AGO4: variants seen among roughly 807,000 people sequenced by gnomAD.
AGO4 encodes argonaute RISC component 4.
AGO4 carries 33 observed loss-of-function variants against 104.7 expected under a neutral mutation model. That is an observed-to-expected ratio of 0.32 (90% confidence interval 0.24 to 0.42). The LOEUF (loss-of-function observed/expected upper bound fraction) is 0.42, where lower values mean the gene tolerates loss of function less well. AGO4 is among the 10% of genes least tolerant of loss of function. The pLI, the probability that AGO4 is intolerant of heterozygous loss-of-function variation, is 1.00. For missense variants in AGO4, 711 were observed against 1,083.4 expected (o/e 0.66, Z 4.83); for synonymous variants, 331 against 364.7 (o/e 0.91, Z 1.05).
chr1:35,814,000 G>A (rs952342953), intron 1 of AGO4, among the ~76,000 whole-genome samples: 3 of 150,622 alleles, frequency 2.0e-5, no homozygotes, highest in South Asian at 2.1e-4. Flanking sequence ...TCTTGAACCC[G>A]GGAGGCGGAG....
chr1:35,844,163 T>C (rs1644512458), intron 15 of AGO4, among the ~76,000 whole-genome samples: 1 of 152,102 alleles, frequency 6.6e-6, no homozygotes, highest in Non-Finnish European at 1.5e-5. Context: ...TACCTGAGCC[T>C]CCCAAGTAGC....
intron 15 of AGO4, among the ~76,000 whole-genome samples, chr1:35,844,444 A>G (rs900870564): frequency 3.3e-5 from 5 of 152,092 alleles, no homozygotes; most frequent in Admixed American, 2.6e-4. Flanking sequence ...TATTCCCCAT[A>G]GCATCTGTTC....
In AGO4 at chr1:35,853,793, A is replaced by G. The variant is rs1644761817; in HGVS notation, c.*188A>G. 5 of 499,696 alleles carry G rather than the reference A, an allele frequency of 1.0e-5. No homozygotes were observed. The Admixed American group carries it at 1.1e-4, about 11-fold the overall frequency. The allele number at this position is 499,696 out of a possible 1,614,324, so 31.0% of individuals were successfully genotyped here. On this transcript the variant is annotated 3_prime_UTR_variant, in exon 18 of 18. Transcript: ENST00000373210. Reference sequence around the variant, plus strand: ...GTCAACAAAATTGAGCCATTTTTTTAAAGTAATAGATACTAATAGATTATC... The same window carrying G: ...GTCAACAAAATTGAGCCATTTTTTTGAAGTAATAGATACTAATAGATTATC...
rs1644761389 is a variant in AGO4, at chr1:35,853,773, C to CA, written c.*172dup. 5 of 511,832 alleles carry CA rather than the reference C, an allele frequency of 9.8e-6. No individual in the cohort carries two copies. In the East Asian group the frequency reaches 1.6e-4, roughly 17 times the overall value. 31.7% of individuals were successfully genotyped at this position (511,832 alleles called of 1,614,324 possible). A position where few individuals can be genotyped will look rare whatever the true frequency, so the allele number is the denominator to read the frequency against. On this transcript the variant is annotated 3_prime_UTR_variant, in exon 18 of 18. Transcript: ENST00000373210. ...TTTGCAGCACTGTCTGATGCGTCAA[C>CA]AAAATTGAGCCATTTTTTTAAAGTA... is the stretch of plus-strand genomic sequence containing the variant.
chr1:35,817,676 A>T (rs996366016), intron 2 of AGO4, among the ~76,000 whole-genome samples: 1 of 152,190 alleles, frequency 6.6e-6, no homozygotes, highest in Non-Finnish European at 1.5e-5. Context: ...CTCTGTTTCT[A>T]TGCAGTGACA....
In AGO4 at chr1:35,854,783, A is replaced by C. The variant is rs912479556; in HGVS notation, c.*1178A>C. 6.6e-6 allele frequency: 1 copy of C among 152,662 alleles called. No individual in the cohort carries two copies. 9.5% of individuals were successfully genotyped at this position (152,662 alleles called of 1,614,324 possible). A position where few individuals can be genotyped will look rare whatever the true frequency, so the allele number is the denominator to read the frequency against. On this transcript the variant is annotated 3_prime_UTR_variant, in exon 18 of 18. Coordinates refer to ENST00000373210, the MANE Select transcript of AGO4 (RefSeq NM_017629.4). The stretch of plus-strand genomic sequence containing the variant: ...ACAATGAGTGATGCTGCAACTTGCA[A>C]ATGTACCAGCATTTAAAATTTCTTT...
At chr1:35,811,612 G>A (rs1052213910) in intron 1 of AGO4, among the ~76,000 whole-genome samples, 21 of 151,770 alleles carry the variant, frequency 1.4e-4, no homozygotes, top group Admixed American at 4.6e-4. Flanking sequence ...TTTTGTTGTT[G>A]TTGTTTTTTG....
intron 17 of AGO4, among the ~76,000 whole-genome samples, chr1:35,852,386 C>A (rs1022554658): frequency 7.9e-5 from 12 of 152,276 alleles, no homozygotes; most frequent in African/African-American, 2.4e-4. Context: ...CCCTTTATAT[C>A]ACATGGTATC....
At chr1:35,820,517 CT>C (rs1643869418) in intron 2 of AGO4, among the ~76,000 whole-genome samples, 1 of 151,996 alleles carries the variant, frequency 6.6e-6, no homozygotes, top group Non-Finnish European at 1.5e-5. Flanking sequence ...ACCACCACAC[CT>C]GGCTAATTTT....
In AGO4 at chr1:35,808,494, C is replaced by T. The variant is rs1014487669; in HGVS notation, c.19+59C>T. The T allele has an allele frequency of 1.9e-5, 22 of 1,174,224 alleles. No individual in the cohort carries two copies. The highest frequency in any genetic ancestry group is 2.3e-5 in the Non-Finnish European group (22 of 948,800). 72.7% of individuals were successfully genotyped at this position (1,174,224 alleles called of 1,614,324 possible). A position where few individuals can be genotyped will look rare whatever the true frequency, so the allele number is the denominator to read the frequency against. On this transcript the variant is annotated intron_variant, in intron 1 of 17. Coordinates refer to ENST00000373210, the MANE Select transcript of AGO4 (RefSeq NM_017629.4). The surrounding 1 kb of genome is among the most constrained non-coding windows in gnomAD (Gnocchi z 5.2). The stretch of plus-strand genomic sequence containing the variant: ...GGACCCGGGACCCGGGGCGGGCGGC[C>T]GGGACTTTCGCTGCCCCGTCGCCTC...
At chr1:35,812,933 T>C (rs1310578975) in intron 1 of AGO4, among the ~76,000 whole-genome samples, 5 of 152,172 alleles carry the variant, frequency 3.3e-5, no homozygotes, top group African/African-American at 1.2e-4. Flanking sequence ...CTTAAGTGTA[T>C]CTTGAAATAT....
intron 1 of AGO4, among the ~76,000 whole-genome samples, chr1:35,816,570 G>A (rs1643703944): frequency 6.6e-6 from 1 of 152,114 alleles, no homozygotes; most frequent in Admixed American, 6.6e-5. Context: ...GGAGGCTGAG[G>A]CAGGTGGATC....
At chr1:35,834,372 T>G (rs764729489) in intron 12 of AGO4, among the ~76,000 whole-genome samples, 198 bp downstream of exon 12, 1 of 152,232 alleles carries the variant, frequency 6.6e-6, no homozygotes, top group Admixed American at 6.5e-5. Context: ...TCATCTCCAT[T>G]TGGGGACCCA....
In AGO4 at chr1:35,832,423, T is replaced by TC; in HGVS notation, c.1246-14_1246-13insC. ...TTCTTCTTCTTCTTCTTCTTCTTTT[T>TC]TTTTTTTTCAAAGAATAAAACAGTA... On this transcript the variant is annotated splice_polypyrimidine_tract_variant and intron_variant, in intron 10 of 17. Transcript: ENST00000373210. 1 of 1,559,748 alleles carries TC rather than the reference T, an allele frequency of 6.4e-7. No homozygotes were observed. The highest frequency in any genetic ancestry group is 8.6e-7 in the Non-Finnish European group (1 of 1,161,506).
Position 35,841,139 on chromosome 1 carries a change from G to A in AGO4, c.1725-26G>A. On this transcript the variant is annotated intron_variant, in intron 13 of 17. Coordinates refer to ENST00000373210, the MANE Select transcript of AGO4 (RefSeq NM_017629.4). This position sits in a 1 kb window ranked among gnomAD's most constrained non-coding sequence, Gnocchi z 4.7. ...AACATTTTCACTTATATGTCTGAGT[G>A]GCAACATCTCCTTAAATCTGAGCAG... 6.3e-7 allele frequency: 1 copy of A among 1,594,862 alleles called. No individual in the cohort carries two copies. The highest frequency in any genetic ancestry group is 8.6e-7 in the Non-Finnish European group (1 of 1,165,190).
chr1:35,842,453 A>G (rs1644468118), intron 15 of AGO4, among the ~76,000 whole-genome samples: 1 of 152,234 alleles, frequency 6.6e-6, no homozygotes, highest in Non-Finnish European at 1.5e-5. Context: ...CTTAAACCAC[A>G]GTCAAATTAC....
chr1:35,844,182 C>T (rs1195835390), intron 15 of AGO4, among the ~76,000 whole-genome samples: 1 of 152,136 alleles, frequency 6.6e-6, no homozygotes, highest in Non-Finnish European at 1.5e-5. Context: ...GCTGGGACTA[C>T]AGGCACTCAC....
At chr1:35,849,433 AGCACTTT>A (rs886127217) in intron 15 of AGO4, among the ~76,000 whole-genome samples, 2 of 150,596 alleles carry the variant, frequency 1.3e-5, no homozygotes, top group African/African-American at 4.9e-5. Context: ...CTGTAGTCCT[AGCACTTT>A]GGGAGGCCAA....
chr1:35,843,318 G>A (rs897679646), intron 15 of AGO4, among the ~76,000 whole-genome samples: 2 of 152,002 alleles, frequency 1.3e-5, no homozygotes, highest in African/African-American at 2.4e-5. Flanking sequence ...CACCTGCTTC[G>A]GCCTCCCAAA....
Sources: gnomAD v4.1 joint callset for allele counts (sites outside exome capture counted in the v4.1 genomes callset) on GRCh38, gnomAD v4.1.1 for gene constraint, Gnocchi (gnomAD v3.1) non-coding constraint, MANE v1.5 for transcripts, NCBI Gene and HGNC (gene_info 2026-07-23, HGNC 2026-07-21) for gene names.